Variants in FGF14 observed in about 807,000 individuals in gnomAD.
The protein encoded by FGF14 is fibroblast growth factor homologous factor 4.
FGF14 carries 5 observed loss-of-function variants against 25.5 expected under a neutral mutation model. The observed-to-expected ratio is 0.20, with a 90% CI of 0.10 to 0.41. The LOEUF is 0.41. Ranked by LOEUF, FGF14 falls within the 10% of genes least tolerant of loss-of-function variation. The pLI is 1.00. For synonymous variants in FGF14, 138 were observed against 118.3 expected (o/e 1.17, Z -1.08); for missense variants, 222 against 320.1 (o/e 0.69, Z 2.34).
chr13:102,369,783 T>C (rs2057821413), intron 1 of FGF14, among the ~76,000 whole-genome samples: 1 of 152,186 alleles, frequency 6.6e-6, no homozygotes, highest in Admixed American at 6.5e-5. Context: ...TTATGTTACA[T>C]TTAAATAGTA....
intron 1 of FGF14, among the ~76,000 whole-genome samples, chr13:102,288,641 G>C (rs984992785): frequency 1.2e-4 from 18 of 151,916 alleles, no homozygotes; most frequent in African/African-American, 4.1e-4. Context: ...CTGGAGTACA[G>C]TGGCAAGATC....
intron 1 of FGF14, among the ~76,000 whole-genome samples, chr13:101,880,084 C>A (rs1389688829): frequency 6.6e-6 from 1 of 152,156 alleles, no homozygotes; most frequent in Non-Finnish European, 1.5e-5. Flanking sequence ...AATGCTACCT[C>A]GAGAACCCCT....
intron 3 of FGF14, among the ~76,000 whole-genome samples, chr13:101,799,411 G>C (rs934482576): frequency 1.3e-5 from 2 of 152,008 alleles, no homozygotes; most frequent in Admixed American, 1.3e-4. Context: ...GGTAAGCAGA[G>C]GGGAGCCTGC....
intron 1 of FGF14, among the ~76,000 whole-genome samples, chr13:102,356,894 G>T (rs1413526574): frequency 6.7e-6 from 1 of 149,128 alleles, no homozygotes; most frequent in African/African-American, 2.5e-5. Flanking sequence ...AAAAATGCCA[G>T]AACATGTAAA....
In FGF14 at chr13:101,916,684, G is replaced by T; in HGVS notation, c.-39C>A. 1 of 1,459,650 alleles carries T rather than the reference G, an allele frequency of 6.9e-7. No individual in the cohort carries two copies. The highest frequency in any genetic ancestry group is 9.1e-7 in the Non-Finnish European group (1 of 1,103,930). The allele number at this position is 1,459,650 out of a possible 1,614,324, so 90.4% of individuals were successfully genotyped here. Reference sequence around the variant, plus strand: ...ACGGGTCCGGGGAGGGAGGGCGCGGGAGGACGGCGAGCCGGGGGCACCGGA... The same window carrying T: ...ACGGGTCCGGGGAGGGAGGGCGCGGTAGGACGGCGAGCCGGGGGCACCGGA... On this transcript the variant is annotated 5_prime_UTR_variant, in exon 1 of 5. Transcript: ENST00000376143.
intron 3 of FGF14, among the ~76,000 whole-genome samples, chr13:101,817,986 ACT>A (rs1373009443): frequency 6.6e-6 from 1 of 152,104 alleles, no homozygotes; most frequent in Non-Finnish European, 1.5e-5. Context: ...ATTTTTCTTC[ACT>A]CTCTCAGTTA....
rs968821545 is a variant in FGF14 at position 101,715,345 on chromosome 13, G to A, written c.*7486C>T. 2.7e-5 allele frequency: 14 copies of A among 516,406 alleles called. No individual in the cohort carries two copies. The highest frequency in any genetic ancestry group is 9.7e-5 in the African/African-American group (5 of 51,764). The allele number at this position is 516,406 out of a possible 1,614,324, so 32.0% of individuals were successfully genotyped here. ...GATACAGGATGGTGACTATCTGATC[G>A]GTAAAGGGTGGCACCAAATAAATGC... is the stretch of plus-strand genomic sequence containing the variant. On this transcript the variant is annotated 3_prime_UTR_variant, in exon 5 of 5. Coordinates refer to ENST00000376143, the MANE Select transcript of FGF14 (RefSeq NM_004115.4).
At position 102,292,305 on chromosome 13, in the gene FGF14, A is replaced by AAAAC. The variant is rs199609949; in HGVS notation, c.208+109165_208+109166insGTTT. On this transcript the variant is annotated intron_variant, in intron 1 of 4. Transcript: ENST00000376131. ...AAAAAAAAAAAAAAAAAAAAAAAAA[A>AAAAC]CTGACAATTTCAAAGCATTTTCAAA... 11 of 130,750 alleles carry AAAAC rather than the reference A, an allele frequency of 8.4e-5. 2 individuals are homozygous for AAAAC. The East Asian group carries it at 1.6e-3, about 19-fold the overall frequency. The allele number at this position is 130,750 out of a possible 1,614,324, so 8.1% of individuals were successfully genotyped here.
intron 1 of FGF14, among the ~76,000 whole-genome samples, chr13:102,055,986 C>T (rs1335830266): frequency 6.6e-6 from 1 of 152,170 alleles, no homozygotes; most frequent in African/African-American, 2.4e-5. Flanking sequence ...GAGACTTATT[C>T]ACTACCACGA....
At chr13:102,306,857 G>C (rs1445231438) in intron 1 of FGF14, among the ~76,000 whole-genome samples, 1 of 152,004 alleles carries the variant, frequency 6.6e-6, no homozygotes, top group African/African-American at 2.4e-5. Context: ...GCACAATAAA[G>C]ACCACCCCCT....
chr13:102,007,185 T>C (rs558212230), intron 1 of FGF14, among the ~76,000 whole-genome samples: 30 of 152,238 alleles, frequency 2.0e-4, no homozygotes, highest in Non-Finnish European at 3.4e-4. Context: ...AGCATGGTCC[T>C]CTAAATTTGT....
At chr13:102,127,396 A>G (rs1470475948) in intron 1 of FGF14, among the ~76,000 whole-genome samples, 1 of 152,134 alleles carries the variant, frequency 6.6e-6, no homozygotes, top group Admixed American at 6.5e-5. Context: ...TATCAGAAAA[A>G]CCAATGAACT....
chr13:102,377,634 C>T (rs1426176228), intron 1 of FGF14, among the ~76,000 whole-genome samples: 1 of 152,060 alleles, frequency 6.6e-6, no homozygotes, highest in Non-Finnish European at 1.5e-5. Context: ...CATGGAGAAA[C>T]CCCATCTCTA....
At chr13:101,810,022 A>G (rs1203077138) in intron 3 of FGF14, among the ~76,000 whole-genome samples, 3 of 152,218 alleles carry the variant, frequency 2.0e-5, no homozygotes, top group African/African-American at 7.2e-5. Context: ...GTGTTCCTAT[A>G]GTATTTACAG....
intron 1 of FGF14, among the ~76,000 whole-genome samples, chr13:102,370,340 TA>T (rs2057840963): frequency 3.9e-5 from 6 of 152,280 alleles, no homozygotes; most frequent in Non-Finnish European, 7.3e-5. Flanking sequence ...AACTATACAT[TA>T]TTATATTTTT....
chr13:101,932,296 T>C (rs1464226369), intron 1 of FGF14, among the ~76,000 whole-genome samples: 1 of 151,946 alleles, frequency 6.6e-6, no homozygotes, highest in Non-Finnish European at 1.5e-5. Flanking sequence ...TTGGGAGGCC[T>C]AGGTGGGTGG....
Position 102,230,530 on chromosome 13 carries a change from A to G in FGF14, c.208+170941T>C, listed in dbSNP as rs116525684. On this transcript the variant is annotated intron_variant, in intron 1 of 4. Transcript: ENST00000376131. The stretch of plus-strand genomic sequence containing the variant: ...TCATTTATACCAGCTCCCCCTTCCT[A>G]GCCCAATTCCAGTGTTGGGGAGTGG... Among the ~76,000 whole-genome samples, 1,343 of 152,228 alleles carry G rather than the reference A, an allele frequency of 8.8e-3. 17 individuals carry two copies. Among genetic ancestry groups the G allele is most frequent in the African/African-American group, 0.03 (1,248 of 41,538 alleles).
chr13:101,926,615 T>C (rs2034383677), intron 1 of FGF14, among the ~76,000 whole-genome samples: 1 of 152,248 alleles, frequency 6.6e-6, no homozygotes, highest in African/African-American at 2.4e-5. Context: ...ATTTAATTTC[T>C]TGAGTTTATA....
At chr13:102,206,270 T>A (rs2049920093) in intron 1 of FGF14, among the ~76,000 whole-genome samples, 2 of 151,932 alleles carry the variant, frequency 1.3e-5, no homozygotes, top group South Asian at 4.1e-4. Flanking sequence ...AGCTCCCACA[T>A]CCTCTCCGGT....
Sources: gnomAD v4.1 joint callset for allele counts (sites outside exome capture counted in the v4.1 genomes callset) on GRCh38, gnomAD v4.1.1 for gene constraint, MANE v1.5 for transcripts, NCBI Gene and HGNC (gene_info 2026-07-23, HGNC 2026-07-21) for gene names.